IKBKE: variants seen among roughly 807,000 people sequenced by gnomAD.
IKBKE encodes inhibitor of nuclear factor kappa B kinase subunit epsilon.
In IKBKE, 45 loss-of-function variants were observed where a neutral mutation model predicts 92.1. The observed-to-expected ratio is 0.49, with a 90% confidence interval of 0.38 to 0.63. IKBKE has a LOEUF of 0.63. IKBKE is among the 20% of genes least tolerant of loss of function. The probability of loss-of-function intolerance (pLI) is 0.00; values close to 1 mark genes in which losing one functional copy is unlikely to be tolerated. For missense variants in IKBKE, 700 were observed against 932.8 expected (o/e 0.75, Z 3.25); for synonymous variants, 374 against 380.3 (o/e 0.98, Z 0.19).
Position 206,485,407 on chromosome 1 carries a change from T to A in IKBKE, c.1616+101T>A. On this transcript the variant is annotated intron_variant, in intron 15 of 21. Transcript: ENST00000581977. The surrounding 1 kb of genome is among the most constrained non-coding windows in gnomAD (Gnocchi z 5.0). ...TTTTAGACGTCAGCTTGCATTCCCC[T>A]TTCTCTTGGCAAGGGTGCTAGGGCA... 1 of 720,424 alleles carries A rather than the reference T, an allele frequency of 1.4e-6. No individual in the cohort carries two copies. The highest frequency in any genetic ancestry group is 2.7e-5 in the East Asian group (1 of 36,940). The allele number at this position is 720,424 out of a possible 1,614,324, so 44.6% of individuals were successfully genotyped here.
intron 10 of IKBKE, 114 bp from the exon 11 acceptor site, chr1:206,479,756 G>GA: frequency 8.7e-7 from 1 of 1,145,544 alleles, no homozygotes; most frequent in Non-Finnish European, 1.3e-6. Context: ...GGTGAGTTGT[G>GA]AAGCCTGAGG....
chr1:206,477,064 G>A (rs1362694952), intron 7 of IKBKE, among the ~76,000 whole-genome samples: 5 of 152,170 alleles, frequency 3.3e-5, no homozygotes, highest in Admixed American at 1.3e-4. Context: ...ATGTTAGTTC[G>A]GTGCTTCACT....
At chr1:206,489,471 A>T (rs1378993999) in intron 16 of IKBKE, among the ~76,000 whole-genome samples, 2 of 149,996 alleles carry the variant, frequency 1.3e-5, no homozygotes, top group Admixed American at 6.7e-5. Flanking sequence ...GGAAAACTGA[A>T]GCGGGAGGAT....
intron 21 of IKBKE, among the ~76,000 whole-genome samples, chr1:206,495,203 G>T (rs934259602): frequency 2.0e-5 from 3 of 152,028 alleles, no homozygotes; most frequent in Non-Finnish European, 4.4e-5. Context: ...CCAATGGCAG[G>T]GTAGAGTCAG....
At position 206,476,978 on chromosome 1, in the gene IKBKE, G is replaced by C; in HGVS notation, c.701+140G>C. 1.1e-6 allele frequency: 1 copy of C among 887,618 alleles called. No individual in the cohort carries two copies. Among genetic ancestry groups the C allele is most frequent in the Non-Finnish European group, 1.7e-6 (1 of 589,468 alleles). 55.0% of individuals were successfully genotyped at this position (887,618 alleles called of 1,614,324 possible). A position where few individuals can be genotyped will look rare whatever the true frequency, so the allele number is the denominator to read the frequency against. ...CACCCCCCAACCCAGGCTCTTTGTAGATCTTTTTTTGTTAATGGGATCAAA... is the reference window on the plus strand; with the variant it reads ...CACCCCCCAACCCAGGCTCTTTGTACATCTTTTTTTGTTAATGGGATCAAA... On this transcript the variant is annotated intron_variant, in intron 7 of 21. Coordinates refer to ENST00000581977, the MANE Select transcript of IKBKE (RefSeq NM_014002.4). The surrounding 1 kb of genome is among the most constrained non-coding windows in gnomAD (Gnocchi z 5.1).
At chr1:206,484,681 G>A (rs1312309071) in intron 13 of IKBKE, among the ~76,000 whole-genome samples, 3 of 152,158 alleles carry the variant, frequency 2.0e-5, no homozygotes, top group African/African-American at 7.2e-5. Flanking sequence ...TTTCCCTTTA[G>A]TTACAAAGTT....
At chr1:206,486,828 G>A (rs1296061434) in intron 15 of IKBKE, among the ~76,000 whole-genome samples, 8 of 139,756 alleles carry the variant, frequency 5.7e-5, no homozygotes, top group Non-Finnish European at 9.2e-5. Context: ...GCTGTGGATC[G>A]AGGCCCCGTC....
rs1553389172 is a variant in IKBKE at position 206,487,842 on chromosome 1, CT to C, written c.1617-70del. 4 of 1,266,308 alleles carry C rather than the reference CT, an allele frequency of 3.2e-6. No homozygotes were observed. The African/African-American group carries it at 5.9e-5, about 19-fold the overall frequency. 78.4% of individuals were successfully genotyped at this position (1,266,308 alleles called of 1,614,324 possible). Reference sequence around the variant, plus strand: ...GCTCCTCCCCTATTCCACTGCCACCCTTCCCCTCCCTCCCTCTTTCCTCTGT... The same window carrying C: ...GCTCCTCCCCTATTCCACTGCCACCCTCCCCTCCCTCCCTCTTTCCTCTGT... On this transcript the variant is annotated intron_variant, in intron 15 of 21. Transcript: ENST00000581977. The surrounding 1 kb of genome is among the most constrained non-coding windows in gnomAD (Gnocchi z 5.3).
chr1:206,476,111 C>A lies in IKBKE; in HGVS notation c.359-70C>A. 6.7e-7 allele frequency: 1 copy of A among 1,491,782 alleles called. No individual in the cohort carries two copies. The highest frequency in any genetic ancestry group is 9.3e-7 in the Non-Finnish European group (1 of 1,080,180). The allele number at this position is 1,491,782 out of a possible 1,614,324, so 92.4% of individuals were successfully genotyped here. ...TCTGGATGCAAGGACAGCCTTCCCA[C>A]CAAGATGAGCCTCAGACACTAGACT... On this transcript the variant is annotated intron_variant, in intron 5 of 21. Coordinates refer to ENST00000581977, the MANE Select transcript of IKBKE (RefSeq NM_014002.4). This position sits in a 1 kb window ranked among gnomAD's most constrained non-coding sequence, Gnocchi z 5.1.
chr1:206,494,592 CTTTTTTTTTTTTTTTT>C (rs58971788), intron 21 of IKBKE, among the ~76,000 whole-genome samples: 1 of 63,900 alleles, frequency 1.6e-5, no homozygotes, highest in Admixed American at 2.1e-4. Context: ...AAAGTTCTTT[CTTTTTTTTTTTTTTTT>C]TTTTTTTTTT....
chr1:206,494,481 C>G (rs1360176265), intron 21 of IKBKE, among the ~76,000 whole-genome samples: 1 of 151,994 alleles, frequency 6.6e-6, no homozygotes, highest in Non-Finnish European at 1.5e-5. Context: ...GGATCATCTC[C>G]TGATTTGACT....
intron 21 of IKBKE, among the ~76,000 whole-genome samples, chr1:206,494,986 TAAAAAAA>T (rs33957066): frequency 1.8e-5 from 2 of 108,948 alleles, no homozygotes; most frequent in African/African-American, 3.3e-5. Flanking sequence ...ACATTTGAAG[TAAAAAAA>T]AAAAAAAAAA....
At position 206,476,460 on chromosome 1, in the gene IKBKE, G is replaced by C. The variant is rs2103455148; in HGVS notation, c.540+98G>C. 2 of 1,293,940 alleles carry C rather than the reference G, an allele frequency of 1.5e-6. No homozygotes were observed. Among genetic ancestry groups the C allele is most frequent in the East Asian group, 2.3e-5 (1 of 42,852 alleles). 80.2% of individuals were successfully genotyped at this position (1,293,940 alleles called of 1,614,324 possible). ...CATGAGGGGGTGTGGCCCACCTCCT[G>C]CTTCCACAGGAGTTATGTCTCTCCC... is the stretch of plus-strand genomic sequence containing the variant. On this transcript the variant is annotated intron_variant, in intron 6 of 21. Transcript: ENST00000581977. This position sits in a 1 kb window ranked among gnomAD's most constrained non-coding sequence, Gnocchi z 5.1.
rs1665877285 is a variant in IKBKE, at chr1:206,490,199, C to T, written c.1694-620C>T. 6.6e-6 allele frequency among the ~76,000 whole-genome samples: 1 copy of T among 152,136 alleles called. No homozygotes were observed. The highest frequency in any genetic ancestry group is 1.5e-5 in the Non-Finnish European group (1 of 68,028). On this transcript the variant is annotated intron_variant, in intron 16 of 21. Coordinates refer to ENST00000581977, the MANE Select transcript of IKBKE (RefSeq NM_014002.4). The surrounding 1 kb of genome is among the most constrained non-coding windows in gnomAD (Gnocchi z 5.2). The stretch of plus-strand genomic sequence containing the variant: ...ATGGGGAGGCCCTCGAAGTGAACCG[C>T]CATCATCATTTCATCTTGGGGCTGC...
chr1:206,496,301 C>T lies in IKBKE; in HGVS notation c.*156C>T, dbSNP rs573518974. ...AGGATGTCGCCAGCATTACCTTCCACTGCCTTTCTCCCTGGGAAGCAGCAC... is the reference window on the plus strand; with the variant it reads ...AGGATGTCGCCAGCATTACCTTCCATTGCCTTTCTCCCTGGGAAGCAGCAC... On this transcript the variant is annotated 3_prime_UTR_variant, in exon 22 of 22. Transcript: ENST00000581977. 4.5e-6 allele frequency: 3 copies of T among 662,770 alleles called. No homozygotes were observed. Among genetic ancestry groups the T allele is most frequent in the South Asian group, 3.5e-5 (2 of 57,962 alleles). The allele number at this position is 662,770 out of a possible 1,614,324, so 41.1% of individuals were successfully genotyped here.
Position 206,477,871 on chromosome 1 carries a change from C to A in IKBKE, c.812+12C>A. On this transcript the variant is annotated intron_variant, in intron 8 of 21. Coordinates refer to ENST00000581977, the MANE Select transcript of IKBKE (RefSeq NM_014002.4). ...TGCCAGCTGTCACTGTGAGTGGGAC[C>A]CTGCTGGGGGGTGATGCTGGAGTCT... The A allele has an allele frequency of 6.7e-7, 1 of 1,499,234 alleles. No individual in the cohort carries two copies. The highest frequency in any genetic ancestry group is 9.1e-7 in the Non-Finnish European group (1 of 1,100,050). 92.9% of individuals were successfully genotyped at this position (1,499,234 alleles called of 1,614,324 possible).
In IKBKE at chr1:206,476,901, G is replaced by T; in HGVS notation, c.701+63G>T. ...GCAGTCCCCTGGCCCTTCCCCCACC[G>T]GTCCTTGCTGTGTCTTCTGGTCCCC... On this transcript the variant is annotated intron_variant, in intron 7 of 21. Coordinates refer to ENST00000581977, the MANE Select transcript of IKBKE (RefSeq NM_014002.4). This position sits in a 1 kb window ranked among gnomAD's most constrained non-coding sequence, Gnocchi z 5.1. The T allele has an allele frequency of 1.3e-6, 2 of 1,574,956 alleles. No homozygotes were observed.
In IKBKE at chr1:206,476,881, C is replaced by A. The variant is rs782180894; in HGVS notation, c.701+43C>A. 2 of 1,604,970 alleles carry A rather than the reference C, an allele frequency of 1.2e-6. No homozygotes were observed. Among genetic ancestry groups the A allele is most frequent in the Non-Finnish European group, 1.7e-6 (2 of 1,172,852 alleles). On this transcript the variant is annotated intron_variant, in intron 7 of 21. Transcript: ENST00000581977. The surrounding 1 kb of genome is among the most constrained non-coding windows in gnomAD (Gnocchi z 5.1). ...GCAGGGAATGGGGCGGACTGGCAGTCCCCTGGCCCTTCCCCCACCGGTCCT... is the reference window on the plus strand; with the variant it reads ...GCAGGGAATGGGGCGGACTGGCAGTACCCTGGCCCTTCCCCCACCGGTCCT...
In IKBKE at chr1:206,485,649, CGTT is replaced by C. The variant is rs1204570694; in HGVS notation, c.1616+345_1616+347del. Among the ~76,000 whole-genome samples the C allele has an allele frequency of 6.6e-6, 1 of 152,146 alleles. No individual in the cohort carries two copies. The highest frequency in any genetic ancestry group is 6.5e-5 in the Admixed American group (1 of 15,280). On this transcript the variant is annotated intron_variant, in intron 15 of 21. Transcript: ENST00000581977. The surrounding 1 kb of genome is among the most constrained non-coding windows in gnomAD (Gnocchi z 5.0). Reference sequence around the variant, plus strand: ...GTAGGTCCTCTCACGTACAGCATCTCGTTGAATCCTGAAAACAATAATGATGCT... The same window carrying C: ...GTAGGTCCTCTCACGTACAGCATCTCGAATCCTGAAAACAATAATGATGCT...
Sources: gnomAD v4.1 joint callset for allele counts (sites outside exome capture counted in the v4.1 genomes callset) on GRCh38, gnomAD v4.1.1 for gene constraint, Gnocchi (gnomAD v3.1) non-coding constraint, MANE v1.5 for transcripts, NCBI Gene and HGNC (gene_info 2026-07-23, HGNC 2026-07-21) for gene names.